The following KCNMA1 variants were observed in gnomAD, a reference collection of about 807,000 sequenced individuals.
The protein encoded by KCNMA1 is Calcium-activated potassium channel subunit alpha-1.
KCNMA1 carries 29 observed loss-of-function variants against 140.0 expected under a neutral mutation model. The observed-to-expected ratio is 0.21, with a 90% confidence interval of 0.15 to 0.28. The LOEUF (loss-of-function observed/expected upper bound fraction) is 0.28. Ranked by LOEUF, KCNMA1 falls within the 10% of genes least tolerant of loss-of-function variation. The pLI, the probability that KCNMA1 is intolerant of heterozygous loss-of-function variation, is 1.00. For missense variants in KCNMA1, 880 were observed against 1,602.2 expected, an observed-to-expected ratio of 0.55 and a Z score of 7.70; for synonymous variants, 612 against 611.9, an observed-to-expected ratio of 1.00 and a Z score of 0.00.
chr10:77,299,615 C>A (rs2076084198), intron 2 of KCNMA1, among the ~76,000 whole-genome samples: 1 of 152,154 alleles, frequency 6.6e-6, no homozygotes, highest in Non-Finnish European at 1.5e-5. Flanking sequence ...TGGAACGCAG[C>A]TCTAAGAGGT....
intron 3 of KCNMA1, among the ~76,000 whole-genome samples, chr10:77,185,990 A>G (rs994225696): frequency 6.6e-6 from 1 of 152,188 alleles, no homozygotes; most frequent in Non-Finnish European, 1.5e-5. Flanking sequence ...TCCTCCCTCC[A>G]GGAGAGGGCC....
At chr10:77,531,137 C>T (rs980618065) in intron 1 of KCNMA1, among the ~76,000 whole-genome samples, 4 of 152,144 alleles carry the variant, frequency 2.6e-5, no homozygotes, top group South Asian at 2.1e-4. Context: ...GAAAGCACCA[C>T]GCGGGGCTTC....
rs1323641112 is a variant in KCNMA1 at position 76,923,121 on chromosome 10, G to A, written c.2903-8072C>T. 2.6e-5 allele frequency among the ~76,000 whole-genome samples: 4 copies of A among 152,102 alleles called. No individual in the cohort carries two copies. In the East Asian group the frequency reaches 7.7e-4, roughly 29 times the overall value. ...ATCCTTTTTAGAGTTTACATTTTGG[G>A]TCCAACCCAAACCAAAGCAAATTAA... On this transcript the variant is annotated intron_variant, in intron 23 of 27. Coordinates refer to ENST00000286628, the MANE Select transcript of KCNMA1 (RefSeq NM_001161352.2).
chr10:77,164,407 C>T (rs751196774), intron 5 of KCNMA1, among the ~76,000 whole-genome samples: 5 of 152,168 alleles, frequency 3.3e-5, no homozygotes, highest in Non-Finnish European at 7.4e-5. Context: ...GAAGATTCTC[C>T]TTCCATGCAC....
At chr10:76,968,858 C>T (rs2074995407) in intron 20 of KCNMA1, among the ~76,000 whole-genome samples, 1 of 152,132 alleles carries the variant, frequency 6.6e-6, no homozygotes, top group African/African-American at 2.4e-5. Flanking sequence ...ACTGCCCTTG[C>T]CTATTTTCCA....
chr10:77,110,999 G>T (rs544138455), intron 7 of KCNMA1, among the ~76,000 whole-genome samples: 1 of 152,196 alleles, frequency 6.6e-6, no homozygotes, highest in Admixed American at 6.5e-5. Context: ...GGCACAGCCC[G>T]TTAGATCAAG....
chr10:77,390,683 C>G (rs531490579), intron 2 of KCNMA1, among the ~76,000 whole-genome samples: 8 of 152,278 alleles, frequency 5.3e-5, no homozygotes, highest in African/African-American at 1.9e-4. Flanking sequence ...ACAACCAGGC[C>G]CTTGCTCTAG....
intron 1 of KCNMA1, among the ~76,000 whole-genome samples, chr10:77,613,190 T>A (rs2087668097): frequency 1.3e-5 from 2 of 152,202 alleles, no homozygotes; most frequent in Admixed American, 1.3e-4. Flanking sequence ...AGATGTAAAG[T>A]GGCCAGCTCA....
chr10:77,276,631 G>A (rs2066760549), intron 2 of KCNMA1, among the ~76,000 whole-genome samples: 1 of 152,108 alleles, frequency 6.6e-6, no homozygotes, highest in African/African-American at 2.4e-5. Flanking sequence ...TTATGCGTGA[G>A]GTTTGTTCAT....
chr10:76,976,321 T>C (rs1306798784), intron 19 of KCNMA1, among the ~76,000 whole-genome samples: 1 of 152,086 alleles, frequency 6.6e-6, no homozygotes, highest in East Asian at 1.9e-4. Flanking sequence ...TATGTAGAAG[T>C]TAATCACAGG....
At chr10:77,571,729 A>G (rs2071423612) in intron 1 of KCNMA1, among the ~76,000 whole-genome samples, 1 of 152,148 alleles carries the variant, frequency 6.6e-6, no homozygotes, top group African/African-American at 2.4e-5. Context: ...CCATGCTTTC[A>G]ATCCTGGCTT....
At chr10:77,262,973 T>G (rs2062428722) in intron 2 of KCNMA1, among the ~76,000 whole-genome samples, 1 of 152,202 alleles carries the variant, frequency 6.6e-6, no homozygotes, top group South Asian at 2.1e-4. Context: ...TACAAATGGC[T>G]GAAATGGTAA....
intron 3 of KCNMA1, among the ~76,000 whole-genome samples, chr10:77,228,378 T>A (rs975828138): frequency 1.3e-5 from 2 of 152,062 alleles, no homozygotes; most frequent in African/African-American, 4.8e-5. Flanking sequence ...ACTGGAAAAG[T>A]AACAAGATGG....
chr10:77,299,825 T>C (rs2076132442), intron 2 of KCNMA1, among the ~76,000 whole-genome samples: 1 of 152,294 alleles, frequency 6.6e-6, no homozygotes, highest in South Asian at 2.1e-4. Flanking sequence ...CCTAAAGGCA[T>C]AGCATCAAGG....
chr10:77,072,675 G>A (rs925156423), intron 14 of KCNMA1, among the ~76,000 whole-genome samples: 5 of 152,154 alleles, frequency 3.3e-5, no homozygotes, highest in East Asian at 1.9e-4. Flanking sequence ...TGGGGTTTGG[G>A]CTTCAGCACA....
intron 13 of KCNMA1, among the ~76,000 whole-genome samples, chr10:77,075,209 C>T (rs981202850): frequency 6.6e-6 from 1 of 152,208 alleles, no homozygotes; most frequent in Non-Finnish European, 1.5e-5. Context: ...ACTGCAGACT[C>T]AATTCCAACA....
chr10:77,361,767 G>T (rs1242787894), intron 2 of KCNMA1, among the ~76,000 whole-genome samples: 1 of 152,232 alleles, frequency 6.6e-6, no homozygotes, highest in Admixed American at 6.5e-5. Flanking sequence ...GCAGGACAGG[G>T]TGGCCACTGC....
intron 1 of KCNMA1, among the ~76,000 whole-genome samples, chr10:77,616,771 A>G (rs1021639548): frequency 6.6e-6 from 1 of 151,112 alleles, no homozygotes; most frequent in African/African-American, 2.4e-5. Context: ...GCACCACTGC[A>G]CTCCAGTCTG....
chr10:77,389,546 C>A (rs1431295505), intron 2 of KCNMA1, among the ~76,000 whole-genome samples: 1 of 152,092 alleles, frequency 6.6e-6, no homozygotes, highest in Non-Finnish European at 1.5e-5. Flanking sequence ...GGAAAGGAGG[C>A]TCTTCCAGTC....
Sources: gnomAD v4.1 joint callset for allele counts (sites outside exome capture counted in the v4.1 genomes callset) on GRCh38, gnomAD v4.1.1 for gene constraint, MANE v1.5 for transcripts, NCBI Gene and HGNC (gene_info 2026-07-23, HGNC 2026-07-21) for gene names.